The following LUZP2 variants were observed in gnomAD, a reference collection of about 807,000 sequenced individuals.
LUZP2 encodes the protein leucine zipper protein 2.
A neutral mutation model predicts 51.6 loss-of-function variants in LUZP2; 52 were observed. The ratio of observed to expected loss-of-function variants is 1.01; its 90% CI spans 0.81 to 1.27. LUZP2 has a LOEUF of 1.27. LUZP2 is among the 50% of genes most tolerant of loss of function. The pLI, the probability that LUZP2 is intolerant of heterozygous loss-of-function variation, is 0.00. For missense variants in LUZP2, 436 were observed against 395.4 expected (o/e 1.10, Z -0.87); for synonymous variants, 154 against 137.3 (o/e 1.12, Z -0.85).
At chr11:25,012,954 A>G (rs879744123) in intron 9 of LUZP2, among the ~76,000 whole-genome samples, 2 of 152,204 alleles carry the variant, frequency 1.3e-5, no homozygotes, top group Non-Finnish European at 2.9e-5. Context: ...ACAATAGCAA[A>G]TATATGGAAT....
At chr11:24,674,549 C>G (rs1352551878) in intron 1 of LUZP2, among the ~76,000 whole-genome samples, 2 of 152,076 alleles carry the variant, frequency 1.3e-5, no homozygotes, top group Non-Finnish European at 2.9e-5. Context: ...CTTTGTTTTC[C>G]CACTAATTTA....
intron 1 of LUZP2, among the ~76,000 whole-genome samples, chr11:24,676,664 TTTTTTTTGTTTG>T (rs1218859371): frequency 1.5e-4 from 15 of 100,920 alleles, no homozygotes; most frequent in African/African-American, 5.3e-4. Flanking sequence ...TTTGTTTGTT[TTTTTTTTGTTTG>T]TTTTTGAGAC....
At chr11:24,705,247 G>C (rs1857542421) in intron 1 of LUZP2, among the ~76,000 whole-genome samples, 2 of 151,870 alleles carry the variant, frequency 1.3e-5, no homozygotes, top group Non-Finnish European at 2.9e-5. Context: ...TCTTTAAAAA[G>C]AAATCATGAA....
At chr11:24,609,622 C>G (rs891693171) in intron 1 of LUZP2, among the ~76,000 whole-genome samples, 1 of 147,376 alleles carries the variant, frequency 6.8e-6, no homozygotes, top group Non-Finnish European at 1.5e-5. Flanking sequence ...CCCAGCTACT[C>G]GGAAGGCTGA....
At chr11:24,734,553 A>G (rs565870181) in intron 3 of LUZP2, among the ~76,000 whole-genome samples, 54 of 152,040 alleles carry the variant, frequency 3.6e-4, no homozygotes, top group African/African-American at 1.2e-3. Context: ...CATAACTTGT[A>G]TTATATACAC....
chr11:24,670,329 T>G (rs1163161060), intron 1 of LUZP2, among the ~76,000 whole-genome samples: 5 of 152,066 alleles, frequency 3.3e-5, no homozygotes, highest in Admixed American at 3.3e-4. Context: ...ACTATGGTCA[T>G]AATAACAGTC....
intron 5 of LUZP2, among the ~76,000 whole-genome samples, chr11:24,809,713 A>G (rs1055699878): frequency 7.2e-5 from 11 of 152,208 alleles, no homozygotes; most frequent in East Asian, 1.9e-4. Flanking sequence ...TTCTCCTGTA[A>G]TAAGGGATAA....
At chr11:24,970,901 A>G (rs192713449) in intron 7 of LUZP2, among the ~76,000 whole-genome samples, 14 of 152,330 alleles carry the variant, frequency 9.2e-5, no homozygotes, top group Admixed American at 7.2e-4. Flanking sequence ...GTAATTGTTA[A>G]TAAAGTGTAT....
At chr11:24,711,989 CTGAT>C (rs1268205743) in intron 1 of LUZP2, among the ~76,000 whole-genome samples, 1 of 152,122 alleles carries the variant, frequency 6.6e-6, no homozygotes, top group Non-Finnish European at 1.5e-5. Context: ...GTGGTGTACT[CTGAT>C]TGATGTATTA....
chr11:24,758,359 G>A (rs1006533170), intron 4 of LUZP2, among the ~76,000 whole-genome samples: 1 of 151,776 alleles, frequency 6.6e-6, no homozygotes, highest in African/African-American at 2.4e-5. Context: ...ACATGTGCTT[G>A]TGTGTATATC....
chr11:24,962,281 C>A (rs910349520), intron 7 of LUZP2, among the ~76,000 whole-genome samples: 1 of 152,130 alleles, frequency 6.6e-6, no homozygotes, highest in Admixed American at 6.6e-5. Flanking sequence ...TTGTGGCATT[C>A]TCTGTATTTC....
intron 1 of LUZP2, among the ~76,000 whole-genome samples, chr11:24,539,006 C>G (rs1042648755): frequency 2.6e-5 from 4 of 151,640 alleles, no homozygotes; most frequent in Non-Finnish European, 4.4e-5. Flanking sequence ...AGGCACTTAC[C>G]CACAATATCC....
intron 1 of LUZP2, among the ~76,000 whole-genome samples, chr11:24,637,672 G>A (rs1236207083): frequency 6.6e-6 from 1 of 151,778 alleles, no homozygotes; most frequent in Non-Finnish European, 1.5e-5. Context: ...ACTGAAATAT[G>A]CCCTGGTCTC....
chr11:24,719,252 TA>T (rs1395136730), intron 1 of LUZP2, among the ~76,000 whole-genome samples: 1 of 152,234 alleles, frequency 6.6e-6, no homozygotes, highest in African/African-American at 2.4e-5. Context: ...TGAACTAGGA[TA>T]GTAAGATTGG....
At chr11:24,770,546 A>T (rs189589922) in intron 5 of LUZP2, among the ~76,000 whole-genome samples, 2 of 152,216 alleles carry the variant, frequency 1.3e-5, no homozygotes, top group East Asian at 3.9e-4. Context: ...TCCTGTTATC[A>T]ACTGATTTAA....
chr11:24,564,083 A>G (rs1590184976), intron 1 of LUZP2, among the ~76,000 whole-genome samples: 1 of 152,134 alleles, frequency 6.6e-6, no homozygotes. Flanking sequence ...TACCTGCTTG[A>G]CACTCCTGTG....
chr11:25,048,441 A>G (rs562009060), intron 9 of LUZP2, among the ~76,000 whole-genome samples: 3 of 152,202 alleles, frequency 2.0e-5, no homozygotes, highest in Non-Finnish European at 4.4e-5. Flanking sequence ...GCTTTATATT[A>G]GAGTTACTTA....
At chr11:24,639,203 A>C (rs376848079) in intron 1 of LUZP2, among the ~76,000 whole-genome samples, 2 of 151,518 alleles carry the variant, frequency 1.3e-5, no homozygotes, top group Admixed American at 1.3e-4. Flanking sequence ...TTGTTTCTCT[A>C]TTTGTTTTCT....
chr11:24,712,520 A>G (rs1006159930), intron 1 of LUZP2, among the ~76,000 whole-genome samples: 28 of 152,228 alleles, frequency 1.8e-4, no homozygotes, highest in African/African-American at 6.5e-4. Flanking sequence ...AGAAAGCATC[A>G]GGGTTAAAAG....
Sources: gnomAD v4.1 joint callset for allele counts (sites outside exome capture counted in the v4.1 genomes callset) on GRCh38, gnomAD v4.1.1 for gene constraint, MANE v1.5 for transcripts, NCBI Gene and HGNC (gene_info 2026-07-23, HGNC 2026-07-21) for gene names.